The following LRMDA variants were observed in gnomAD, a reference collection of about 807,000 sequenced individuals.
LRMDA encodes leucine rich melanocyte differentiation associated.
Under a neutral mutation model 29.8 loss-of-function variants are expected in LRMDA, and 18 were observed. The observed-to-expected ratio is 0.60, with a 90% CI of 0.42 to 0.90. LRMDA has a LOEUF of 0.90. Among genes scored for constraint, LRMDA ranks in the 40% least tolerant of loss-of-function variants. The probability of loss-of-function intolerance (pLI) is 0.00; values close to 1 mark genes in which losing one functional copy is unlikely to be tolerated. For synonymous variants in LRMDA, 125 were observed against 109.4 expected (o/e 1.14, Z -0.89); for missense variants, 273 against 273.9 (o/e 1.00, Z 0.02).
intron 6 of LRMDA, among the ~76,000 whole-genome samples, chr10:76,335,316 A>G (rs776111087): frequency 1.3e-5 from 2 of 152,178 alleles, no homozygotes; most frequent in Non-Finnish European, 2.9e-5. Context: ...ATGAGGATTT[A>G]TACCGAGGAT....
At chr10:76,117,289 C>T (rs749280860) in intron 5 of LRMDA, among the ~76,000 whole-genome samples, 5 of 152,102 alleles carry the variant, frequency 3.3e-5, no homozygotes, top group Non-Finnish European at 7.4e-5. Flanking sequence ...GAATAAGAGA[C>T]CCAACCAGGG....
At chr10:75,567,543 A>G (rs1251842808) in intron 2 of LRMDA, among the ~76,000 whole-genome samples, 2 of 152,182 alleles carry the variant, frequency 1.3e-5, no homozygotes, top group African/African-American at 4.8e-5. Flanking sequence ...AAAATGTGTT[A>G]AGCACCAAGC....
At chr10:75,782,904 T>C in intron 2 of LRMDA, 6 of 1,608,440 alleles carry the variant, frequency 3.7e-6, no homozygotes, top group Non-Finnish European at 5.1e-6. Flanking sequence ...CTCTCATGCC[T>C]CTTGCCAACA....
intron 2 of LRMDA, among the ~76,000 whole-genome samples, chr10:75,602,000 A>G (rs1564519786): frequency 6.6e-6 from 1 of 152,234 alleles, no homozygotes; most frequent in Non-Finnish European, 1.5e-5. Context: ...CCTCCAGAAT[A>G]CTATCTTCTG....
rs1440665956 is a variant in LRMDA, at chr10:76,007,019, TGTGTGTGTGTGTGCGC to T, written c.132-28980_132-28965del. Among the ~76,000 whole-genome samples, 92 of 130,068 alleles carry T rather than the reference TGTGTGTGTGTGTGCGC, an allele frequency of 7.1e-4. 2 individuals carry two copies. Among genetic ancestry groups the T allele is most frequent in the African/African-American group, 3.1e-3 (84 of 27,306 alleles). 85.3% of individuals were successfully genotyped at this position (130,068 alleles called of 152,430 possible). A position where few individuals can be genotyped will look rare whatever the true frequency, so the allele number is the denominator to read the frequency against. ...GTGTGTGTGTGTGTGTGTGTGTGTG[TGTGTGTGTGTGTGCGC>T]GTGTGTGTTTATATATTTATTTTCC... On this transcript the variant is annotated intron_variant, in intron 2 of 6. Transcript: ENST00000611255.
intron 2 of LRMDA, among the ~76,000 whole-genome samples, chr10:75,701,883 A>G (rs1349775419): frequency 1.3e-5 from 2 of 152,146 alleles, no homozygotes; most frequent in African/African-American, 2.4e-5. Flanking sequence ...CCCAGGCTAC[A>G]ACCTCCCAAC....
At chr10:75,663,908 TGTCTTGACTATAG>T (rs1442153446) in intron 2 of LRMDA, among the ~76,000 whole-genome samples, 1 of 152,120 alleles carries the variant, frequency 6.6e-6, no homozygotes, top group Non-Finnish European at 1.5e-5. Flanking sequence ...ATTCAACACT[TGTCTTGACTATAG>T]GGCTCCTTAG....
intron 5 of LRMDA, among the ~76,000 whole-genome samples, chr10:76,199,050 T>G (rs1851381074): frequency 6.6e-6 from 1 of 152,184 alleles, no homozygotes; most frequent in African/African-American, 2.4e-5. Context: ...AGGCAGGTTA[T>G]CTAGTAAAAT....
intron 2 of LRMDA, among the ~76,000 whole-genome samples, chr10:75,961,470 G>A (rs984821447): frequency 6.6e-6 from 1 of 152,214 alleles, no homozygotes; most frequent in Non-Finnish European, 1.5e-5. Flanking sequence ...TACCAGGTTA[G>A]AGTATGAACA....
intron 6 of LRMDA, among the ~76,000 whole-genome samples, chr10:76,535,085 C>T (rs549728133): frequency 6.6e-5 from 10 of 152,280 alleles, no homozygotes; most frequent in African/African-American, 1.7e-4. Flanking sequence ...GATACACTGC[C>T]GTATCCCTAG....
chr10:75,707,597 C>A (rs778759471), intron 2 of LRMDA, among the ~76,000 whole-genome samples: 2 of 152,200 alleles, frequency 1.3e-5, no homozygotes, highest in Non-Finnish European at 2.9e-5. Flanking sequence ...TTGCCTGGGC[C>A]TGGTCTGCAG....
intron 5 of LRMDA, among the ~76,000 whole-genome samples, chr10:76,115,418 G>A (rs569338677): frequency 6.6e-6 from 1 of 152,184 alleles, no homozygotes; most frequent in African/African-American, 2.4e-5. Context: ...AAGCAGAGTC[G>A]TCGTCCTCCT....
chr10:76,459,416 C>T (rs1435406394), intron 6 of LRMDA, among the ~76,000 whole-genome samples: 1 of 152,188 alleles, frequency 6.6e-6, no homozygotes, highest in Non-Finnish European at 1.5e-5. Context: ...GAGTTCAACA[C>T]CTCATGGAGC....
chr10:76,359,968 G>A (rs897793628), intron 6 of LRMDA, among the ~76,000 whole-genome samples: 3 of 151,934 alleles, frequency 2.0e-5, no homozygotes, highest in South Asian at 2.1e-4. Flanking sequence ...CCCTTGGATC[G>A]GTCCAGTGGC....
At chr10:76,363,309 G>GAGTA in intron 6 of LRMDA, among the ~76,000 whole-genome samples, 1 of 141,514 alleles carries the variant, frequency 7.1e-6, no homozygotes, top group African/African-American at 2.7e-5. Flanking sequence ...GGGAGGAAGG[G>GAGTA]AGGAAGGAAA....
chr10:76,012,646 G>A (rs1406201744), intron 2 of LRMDA, among the ~76,000 whole-genome samples: 2 of 152,192 alleles, frequency 1.3e-5, no homozygotes, highest in Admixed American at 1.3e-4. Flanking sequence ...CAACTGGTCA[G>A]TTCACAACGA....
intron 5 of LRMDA, among the ~76,000 whole-genome samples, chr10:76,239,789 G>A (rs1219420726): frequency 1.3e-5 from 2 of 151,416 alleles, no homozygotes; most frequent in East Asian, 3.9e-4. Flanking sequence ...TTTTGTATAT[G>A]GTGCTGTATA....
chr10:76,524,708 G>T (rs1843156515), intron 6 of LRMDA, among the ~76,000 whole-genome samples: 1 of 152,166 alleles, frequency 6.6e-6, no homozygotes, highest in African/African-American at 2.4e-5. Context: ...TACTTTTCAA[G>T]TCAATATTTT....
rs969584666 is a variant in LRMDA, at chr10:76,120,505, T to A, written c.516+61722T>A. ...GCCTGGCCAAGTATGTGTTGATTTT[T>A]AATTTTCATACTGCGCCATGTTTCA... On this transcript the variant is annotated intron_variant, in intron 5 of 6. Coordinates refer to ENST00000611255, the MANE Select transcript of LRMDA (RefSeq NM_001305581.2). 3.9e-5 allele frequency among the ~76,000 whole-genome samples: 6 copies of A among 152,276 alleles called. No individual in the cohort carries two copies. In the East Asian group the frequency reaches 1.2e-3, roughly 30 times the overall value.
Sources: gnomAD v4.1 joint callset for allele counts (sites outside exome capture counted in the v4.1 genomes callset) on GRCh38, gnomAD v4.1.1 for gene constraint, MANE v1.5 for transcripts, NCBI Gene and HGNC (gene_info 2026-07-23, HGNC 2026-07-21) for gene names.